HECTD4: variants seen among roughly 807,000 people sequenced by gnomAD.
HECTD4 encodes HECT domain E3 ubiquitin protein ligase 4.
HECTD4 carries 114 observed loss-of-function variants against 471.5 expected under a neutral mutation model. That is an observed-to-expected ratio of 0.24 (90% CI 0.21 to 0.28). The LOEUF is 0.28. Ranked by LOEUF, HECTD4 falls within the 10% of genes least tolerant of loss-of-function variation. The probability of loss-of-function intolerance (pLI) is 1.00; values close to 1 mark genes in which losing one functional copy is unlikely to be tolerated. For synonymous variants in HECTD4, 2,012 were observed against 2,256.0 expected (o/e 0.89, Z 3.07); for missense variants, 3,866 against 5,651.5 (o/e 0.68, Z 10.13).
At chr12:112,183,398 G>A in intron 61 of HECTD4, 132 bp from the exon 62 acceptor site, 1 of 721,288 alleles carries the variant, frequency 1.4e-6, no homozygotes, top group South Asian at 1.8e-5. Flanking sequence ...GCCCTACTCT[G>A]GTGAGCTGGA....
In HECTD4 at chr12:112,263,722, TATAC is replaced by T. The variant is rs757705831; in HGVS notation, c.2748+358_2748+361del. 1.9e-4 allele frequency among the ~76,000 whole-genome samples: 28 copies of T among 148,184 alleles called. 1 individual carries two copies. The highest frequency in any genetic ancestry group is 1.9e-3 in the South Asian group (8 of 4,286). On this transcript the variant is annotated intron_variant, in intron 17 of 75. Transcript: ENST00000682272. ...CCCAAGATTTTTATATATATATATA[TATAC>T]ACACACACACACACACACACACACA...
At chr12:112,177,762 A>G (rs553309125) in intron 64 of HECTD4, among the ~76,000 whole-genome samples, 2 of 152,364 alleles carry the variant, frequency 1.3e-5, no homozygotes, top group East Asian at 3.9e-4. Context: ...ATTAAATAAA[A>G]ATGGCAAGGT....
intron 29 of HECTD4, among the ~76,000 whole-genome samples, chr12:112,245,449 G>C (rs183941286): frequency 6.6e-6 from 1 of 152,306 alleles, no homozygotes; most frequent in Admixed American, 6.5e-5. Flanking sequence ...TCTATATACA[G>C]GACCTTTAAC....
At chr12:112,304,238 A>ATTTTTTTTTTTT (rs760947859) in intron 7 of HECTD4, among the ~76,000 whole-genome samples, 2 of 104,398 alleles carry the variant, frequency 1.9e-5, no homozygotes, top group Non-Finnish European at 3.7e-5. Flanking sequence ...TAAAGACCTA[A>ATTTTTTTTTTTT]TTTTTTTTTT....
intron 17 of HECTD4, among the ~76,000 whole-genome samples, chr12:112,263,411 G>A (rs1260008566): frequency 1.3e-5 from 2 of 152,190 alleles, no homozygotes; most frequent in East Asian, 3.9e-4. Context: ...CTCCCACAAA[G>A]ATGAAATTCT....
intron 62 of HECTD4, among the ~76,000 whole-genome samples, chr12:112,180,567 A>C (rs1281803728): frequency 1.3e-5 from 2 of 151,976 alleles, no homozygotes; most frequent in Non-Finnish European, 2.9e-5. Context: ...AAAAAAGGAA[A>C]CAACCCTCAC....
chr12:112,195,550 G>A (rs757886616), intron 55 of HECTD4, among the ~76,000 whole-genome samples: 1 of 152,192 alleles, frequency 6.6e-6, no homozygotes, highest in African/African-American at 2.4e-5. Context: ...ATTGTCCAGA[G>A]GAAAATGCAT....
intron 67 of HECTD4, 33 bp from the exon 68 acceptor site, chr12:112,171,296 C>T: frequency 6.3e-7 from 1 of 1,575,114 alleles, no homozygotes; most frequent in Non-Finnish European, 8.6e-7. Context: ...GCTGAGATCT[C>T]GGCCAGGTGG....
intron 27 of HECTD4, 117 bp downstream of exon 27, chr12:112,247,950 C>A: frequency 1.4e-6 from 1 of 702,544 alleles, no homozygotes; most frequent in Admixed American, 3.3e-5. Flanking sequence ...GAGTGTGCAA[C>A]ATTTTAGGAA....
chr12:112,226,481 ATTTCT>A, intron 44 of HECTD4, 157 bp downstream of exon 44: 2 of 449,854 alleles, frequency 4.4e-6, no homozygotes, highest in Non-Finnish European at 7.9e-6. Context: ...TTTTATTTAC[ATTTCT>A]AGGTCTGTGA....
chr12:112,344,031 T>A (rs566144077), intron 1 of HECTD4, among the ~76,000 whole-genome samples: 1 of 152,336 alleles, frequency 6.6e-6, no homozygotes. Flanking sequence ...AGAGTTGAGA[T>A]GAACTTGCCT....
rs2033399924 is a variant in HECTD4 at position 112,232,277 on chromosome 12, C to T, written c.5998-562G>A. On this transcript the variant is annotated intron_variant, in intron 38 of 75. Transcript: ENST00000682272. ...TCCCAAGTAGCTGGGATTACAGGAG[C>T]CTGCCACCACGTCTGGCTAATTTTT... Among the ~76,000 whole-genome samples, 2 of 152,138 alleles carry T rather than the reference C, an allele frequency of 1.3e-5. 1 individual carries two copies. Among genetic ancestry groups the T allele is most frequent in the Admixed American group, 1.3e-4 (2 of 15,270 alleles).
chr12:112,373,424 A>C (rs986354406), intron 1 of HECTD4, among the ~76,000 whole-genome samples: 3 of 152,152 alleles, frequency 2.0e-5, no homozygotes, highest in African/African-American at 7.2e-5. Flanking sequence ...CGGGAGGCTG[A>C]GGCAGAAGAA....
At chr12:112,234,979 G>T in intron 37 of HECTD4, 98 bp downstream of exon 37, 1 of 1,080,728 alleles carries the variant, frequency 9.3e-7, no homozygotes, top group Non-Finnish European at 1.3e-6. Flanking sequence ...TGTAAAGAGG[G>T]CCGAGGCAGT....
chr12:112,372,104 CTTT>C (rs538069859), intron 1 of HECTD4, among the ~76,000 whole-genome samples: 2 of 135,840 alleles, frequency 1.5e-5, no homozygotes, highest in African/African-American at 2.7e-5. Context: ...ATAATCACAT[CTTT>C]TTTTTTTTTT....
At chr12:112,357,462 G>T (rs2036361989) in intron 1 of HECTD4, among the ~76,000 whole-genome samples, 1 of 152,150 alleles carries the variant, frequency 6.6e-6, no homozygotes, top group Non-Finnish European at 1.5e-5. Flanking sequence ...CTGGGAGGTT[G>T]AGGTTGCAGT....
intron 32 of HECTD4, 26 bp from the exon 33 acceptor site, chr12:112,240,053 G>A: frequency 6.2e-7 from 1 of 1,612,212 alleles, no homozygotes; most frequent in Non-Finnish European, 8.5e-7. Context: ...CAAAGCTCAG[G>A]CTTCCTGAAC....
In HECTD4 at chr12:112,235,891, G is replaced by C. The variant is rs546734223; in HGVS notation, c.5445-107C>G. The C allele has an allele frequency of 1.0e-6, 1 of 1,002,834 alleles. No individual in the cohort carries two copies. Among genetic ancestry groups the C allele is most frequent in the South Asian group, 1.8e-5 (1 of 57,038 alleles). The allele number at this position is 1,002,834 out of a possible 1,614,324, so 62.1% of individuals were successfully genotyped here. On this transcript the variant is annotated intron_variant, in intron 35 of 75. Coordinates refer to ENST00000682272, the MANE Select transcript of HECTD4 (RefSeq NM_001388303.1). This position sits in a 1 kb window ranked among gnomAD's most constrained non-coding sequence, Gnocchi z 5.0. ...ACAAACCAATGAAATCTGATTTCAC[G>C]AGGAATCATGAATGTGGCACTATGC...
intron 8 of HECTD4, 44 bp from the exon 9 acceptor site, chr12:112,279,430 A>G (rs758605224): frequency 1.3e-6 from 2 of 1,528,254 alleles, no homozygotes; most frequent in Non-Finnish European, 1.8e-6. Flanking sequence ...ATTTGACACA[A>G]AAGTTAATTT....
Sources: allele counts gnomAD v4.1 joint callset (sites outside exome capture counted in the v4.1 genomes callset), GRCh38; gene constraint gnomAD v4.1.1; non-coding constraint Gnocchi (gnomAD v3.1); transcripts MANE v1.5; gene names NCBI Gene and HGNC (gene_info 2026-07-23, HGNC 2026-07-21).